Variants in DENND1B observed in about 807,000 individuals in gnomAD.
DENND1B encodes the protein DENN domain-containing protein 1B.
Under a neutral mutation model 90.1 loss-of-function variants are expected in DENND1B, and 59 were observed. That is an observed-to-expected ratio of 0.65 (90% CI 0.53 to 0.81). DENND1B has a LOEUF of 0.81. Ranked by LOEUF, DENND1B falls within the 40% of genes least tolerant of loss-of-function variation. DENND1B has a pLI of 0.00. For synonymous variants in DENND1B, 337 were observed against 324.6 expected, an observed-to-expected ratio of 1.04 and a Z score of -0.41; for missense variants, 862 against 912.6, an observed-to-expected ratio of 0.94 and a Z score of 0.71.
At chr1:197,616,913 T>C (rs1446360545) in intron 11 of DENND1B, among the ~76,000 whole-genome samples, 1 of 150,732 alleles carries the variant, frequency 6.6e-6, no homozygotes, top group African/African-American at 2.4e-5. Context: ...AGATAACATT[T>C]CCCCCCCTAG....
At chr1:197,604,075 T>A (rs1298141269) in intron 13 of DENND1B, among the ~76,000 whole-genome samples, 1 of 151,256 alleles carries the variant, frequency 6.6e-6, no homozygotes, top group Non-Finnish European at 1.5e-5. Context: ...CACTAAAAAA[T>A]AAAGTCACAA....
Position 197,512,916 on chromosome 1 carries a change from G to A in DENND1B, c.1553C>T (p.Ala518Val), listed in dbSNP as rs969631561. The stretch of plus-strand genomic sequence containing the variant: ...ATCATCATCTTCATCATCATATAGA[G>A]CACCATCAAGGCTCTTAAGAGGCCT... ...LKRPLKSLDG[A>V]LYDDEDDDDI... Residue 518 changes from alanine to valine, a missense_variant, in exon 21 of 23, where the codon GCT becomes GTT. Transcript: ENST00000620048. 1 of 1,610,448 alleles carries A rather than the reference G, an allele frequency of 6.2e-7. No individual in the cohort carries two copies. The highest frequency in any genetic ancestry group is 8.5e-7 in the Non-Finnish European group (1 of 1,177,944).
chr1:197,633,369 C>T (rs961141583), intron 10 of DENND1B, among the ~76,000 whole-genome samples: 3 of 152,144 alleles, frequency 2.0e-5, no homozygotes, highest in African/African-American at 7.2e-5. Flanking sequence ...CCCCTCACTG[C>T]CTGATCTGTG....
chr1:197,679,489 T>C (rs1300030719), intron 3 of DENND1B, among the ~76,000 whole-genome samples: 1 of 151,802 alleles, frequency 6.6e-6, no homozygotes, highest in East Asian at 1.9e-4. Flanking sequence ...CATAGTTACA[T>C]GCAAAACAGA....
intron 15 of DENND1B, among the ~76,000 whole-genome samples, chr1:197,579,313 C>T (rs541098273): frequency 1.3e-5 from 2 of 152,194 alleles, no homozygotes; most frequent in East Asian, 3.9e-4. Flanking sequence ...GCATAGAATT[C>T]TATGTATTTT....
intron 15 of DENND1B, among the ~76,000 whole-genome samples, chr1:197,562,812 G>A (rs1263393091): frequency 6.6e-6 from 1 of 151,948 alleles, no homozygotes; most frequent in Non-Finnish European, 1.5e-5. Context: ...AGTTGTGGAT[G>A]CAAAGGAAAA....
intron 2 of DENND1B, among the ~76,000 whole-genome samples, chr1:197,739,207 A>G (rs926167298): frequency 1.3e-5 from 2 of 152,230 alleles, no homozygotes; most frequent in African/African-American, 4.8e-5. Context: ...TACAGTACTC[A>G]GAGGGTAACA....
chr1:197,527,448 A>C (rs1465183223), intron 20 of DENND1B, among the ~76,000 whole-genome samples: 1 of 151,524 alleles, frequency 6.6e-6, no homozygotes, highest in Non-Finnish European at 1.5e-5. Context: ...ATGCCTGGCT[A>C]ATTTTGTATT....
At chr1:197,576,683 C>A (rs1457308465) in intron 15 of DENND1B, among the ~76,000 whole-genome samples, 3 of 151,990 alleles carry the variant, frequency 2.0e-5, no homozygotes, top group Admixed American at 6.6e-5. Context: ...TACAGCCACC[C>A]CCTTATACTC....
chr1:197,733,654 G>T (rs907258783), intron 2 of DENND1B, among the ~76,000 whole-genome samples: 1 of 152,146 alleles, frequency 6.6e-6, no homozygotes, highest in Non-Finnish European at 1.5e-5. Context: ...GAGGCCCCAC[G>T]AAAGCCTGGC....
At chr1:197,773,697 A>T (rs910965824) in intron 1 of DENND1B, among the ~76,000 whole-genome samples, 6 of 152,218 alleles carry the variant, frequency 3.9e-5, no homozygotes, top group African/African-American at 1.4e-4. Flanking sequence ...CTAACTTGCC[A>T]TATTTGCAAA....
At chr1:197,549,444 G>C (rs1431220930) in intron 16 of DENND1B, among the ~76,000 whole-genome samples, 3 of 151,968 alleles carry the variant, frequency 2.0e-5, no homozygotes, top group African/African-American at 7.2e-5. Context: ...GTAAACTAAG[G>C]AAGAAACACA....
At chr1:197,618,719 T>G (rs1677881704) in intron 10 of DENND1B, among the ~76,000 whole-genome samples, 1 of 151,136 alleles carries the variant, frequency 6.6e-6, no homozygotes, top group African/African-American at 2.4e-5. Flanking sequence ...AGTTTTGCTA[T>G]AGTCTGTATT....
chr1:197,698,888 A>G (rs1196575509), intron 3 of DENND1B, among the ~76,000 whole-genome samples: 1 of 152,166 alleles, frequency 6.6e-6, no homozygotes, highest in East Asian at 1.9e-4. Flanking sequence ...GAATACACCA[A>G]TAACAAGTTC....
At chr1:197,733,170 A>G (rs190369772) in intron 2 of DENND1B, among the ~76,000 whole-genome samples, 1 of 152,084 alleles carries the variant, frequency 6.6e-6, no homozygotes, top group East Asian at 1.9e-4. Flanking sequence ...TTTAGGAAAA[A>G]GAGTAAATAC....
At chr1:197,773,004 T>A in intron 1 of DENND1B, 72 bp from the exon 2 acceptor site, 1 of 1,234,786 alleles carries the variant, frequency 8.1e-7, no homozygotes, top group African/African-American at 1.5e-5. Flanking sequence ...TTTTCTTAAT[T>A]CTAAAACTAA....
In DENND1B at chr1:197,763,877, C is replaced by T. The variant is rs75821121; in HGVS notation, c.82+8991G>A. The stretch of plus-strand genomic sequence containing the variant: ...TACAATTATTGACTTGAAATTGACG[C>T]TTCCCCTTCAAGAATGCCATCTCAA... On this transcript the variant is annotated intron_variant, in intron 2 of 22. Coordinates refer to ENST00000620048, the MANE Select transcript of DENND1B (RefSeq NM_001195215.2). Among the ~76,000 whole-genome samples, 772 of 152,302 alleles carry T rather than the reference C, an allele frequency of 5.1e-3. 8 individuals are homozygous for T. The highest frequency in any genetic ancestry group is 0.017 in the African/African-American group (717 of 41,558).
At chr1:197,774,365 G>A (rs533036432) in intron 1 of DENND1B, 1 of 152,112 alleles carries the variant, frequency 6.6e-6, no homozygotes, top group Non-Finnish European at 1.5e-5. Context: ...GATAGTAAAG[G>A]GTGGGTAAGC....
intron 3 of DENND1B, among the ~76,000 whole-genome samples, chr1:197,695,384 T>C (rs1658329779): frequency 6.6e-6 from 1 of 151,042 alleles, no homozygotes; most frequent in Non-Finnish European, 1.5e-5. Context: ...TATTTTAGCA[T>C]TACTGAAATA....
Sources: allele counts gnomAD v4.1 joint callset (sites outside exome capture counted in the v4.1 genomes callset), GRCh38; gene constraint gnomAD v4.1.1; transcripts MANE v1.5; gene names NCBI Gene and HGNC (gene_info 2026-07-23, HGNC 2026-07-21).